RAPGEF5: variants seen among roughly 807,000 people sequenced by gnomAD.
The protein encoded by RAPGEF5 is Rap guanine nucleotide exchange factor 5, also known as M-Ras-regulated GEF.
Under a neutral mutation model 125.2 loss-of-function variants are expected in RAPGEF5, and 65 were observed. The observed-to-expected ratio is 0.52, with a 90% confidence interval of 0.43 to 0.64. RAPGEF5 has a LOEUF of 0.64. RAPGEF5 is among the 30% of genes least tolerant of loss of function. The probability of loss-of-function intolerance (pLI) is 0.00; values close to 1 mark genes in which losing one functional copy is unlikely to be tolerated. For missense variants in RAPGEF5, 958 were observed against 1,048.1 expected (o/e 0.91, Z 1.19); for synonymous variants, 391 against 385.9 (o/e 1.01, Z -0.16).
chr7:22,331,520 C>T (rs1583584047), intron 1 of RAPGEF5, among the ~76,000 whole-genome samples: 2 of 151,902 alleles, frequency 1.3e-5, no homozygotes, highest in South Asian at 2.1e-4. Flanking sequence ...CCGAGGCGGG[C>T]GGATCACGAG....
intron 1 of RAPGEF5, among the ~76,000 whole-genome samples, chr7:22,322,705 C>G (rs1783740068): frequency 6.6e-6 from 1 of 152,112 alleles, no homozygotes; most frequent in South Asian, 2.1e-4. Flanking sequence ...CCCAGCAGTT[C>G]TCAACCCTCG....
At chr7:22,127,474 C>T (rs1208508662) in intron 24 of RAPGEF5, among the ~76,000 whole-genome samples, 3 of 152,184 alleles carry the variant, frequency 2.0e-5, no homozygotes, top group African/African-American at 4.8e-5. Flanking sequence ...GAAGCATATA[C>T]GTATATGCCA....
intron 5 of RAPGEF5, among the ~76,000 whole-genome samples, chr7:22,291,551 C>T (rs1189485485): frequency 6.6e-6 from 1 of 152,142 alleles, no homozygotes; most frequent in Non-Finnish European, 1.5e-5. Context: ...TGGGCTTGCA[C>T]AGAAGGTAGA....
intron 1 of RAPGEF5, among the ~76,000 whole-genome samples, chr7:22,343,612 T>A (rs1784169142): frequency 6.6e-6 from 1 of 152,222 alleles, no homozygotes; most frequent in South Asian, 2.1e-4. Flanking sequence ...GGTATTAGTA[T>A]GTGTGGTAGT....
intron 9 of RAPGEF5, among the ~76,000 whole-genome samples, chr7:22,196,526 C>T (rs1431394851): frequency 6.6e-6 from 1 of 152,198 alleles, no homozygotes; most frequent in Non-Finnish European, 1.5e-5. Flanking sequence ...CACCAAGCGG[C>T]AAGTGAAAAT....
At chr7:22,311,077 G>A (rs1783459012) in intron 3 of RAPGEF5, among the ~76,000 whole-genome samples, 2 of 152,160 alleles carry the variant, frequency 1.3e-5, no homozygotes, top group African/African-American at 4.8e-5. Context: ...CCAGGGTGGA[G>A]TGCTGTGGTG....
chr7:22,314,508 T>G, intron 3 of RAPGEF5: 91 of 641,406 alleles, frequency 1.4e-4, no homozygotes, highest in East Asian at 2.8e-4. Flanking sequence ...AATATTATAA[T>G]GAGTTTATCA....
At chr7:22,176,203 A>G (rs1395688761) in intron 11 of RAPGEF5, among the ~76,000 whole-genome samples, 1 of 152,168 alleles carries the variant, frequency 6.6e-6, no homozygotes, top group African/African-American at 2.4e-5. Context: ...CTTATTCACT[A>G]TCATGAGAAC....
chr7:22,282,370 C>G (rs2128145048), intron 6 of RAPGEF5, among the ~76,000 whole-genome samples: 1 of 152,262 alleles, frequency 6.6e-6, no homozygotes, highest in Non-Finnish European at 1.5e-5. Context: ...TTTATAATTT[C>G]TAATAGGTTA....
At chr7:22,295,339 A>G (rs1390753698) in intron 5 of RAPGEF5, among the ~76,000 whole-genome samples, 1 of 152,232 alleles carries the variant, frequency 6.6e-6, no homozygotes, top group Non-Finnish European at 1.5e-5. Flanking sequence ...AAGAGTCCAG[A>G]GTGTATAGTT....
rs535061626 is a variant in RAPGEF5 at position 22,348,546 on chromosome 7, T to C, written c.231+8284A>G. On this transcript the variant is annotated intron_variant, in intron 1 of 25. Transcript: ENST00000665637. The stretch of plus-strand genomic sequence containing the variant: ...TAAATCTCCAAGTAGATGTGTACTA[T>C]GGAGCTGAGAAAACAATGACTTCTA... Among the ~76,000 whole-genome samples the C allele has an allele frequency of 3.3e-5, 5 of 152,332 alleles. No homozygotes were observed. The South Asian group carries it at 8.3e-4, about 25-fold the overall frequency.
chr7:22,145,357 A>G (rs1426663240), intron 19 of RAPGEF5, 135 bp from the exon 20 acceptor site: 2 of 780,788 alleles, frequency 2.6e-6, no homozygotes, highest in Non-Finnish European at 3.8e-6. Context: ...CATGGTGAAT[A>G]GTAATACATT....
intron 7 of RAPGEF5, among the ~76,000 whole-genome samples, chr7:22,248,571 C>A (rs185603036): frequency 6.6e-5 from 10 of 152,298 alleles, no homozygotes; most frequent in Admixed American, 2.6e-4. Flanking sequence ...CCCAACTCCT[C>A]CACTGTCAGC....
At chr7:22,190,310 C>T (rs906278597) in intron 11 of RAPGEF5, among the ~76,000 whole-genome samples, 17 of 152,138 alleles carry the variant, frequency 1.1e-4, no homozygotes, top group Non-Finnish European at 7.3e-5. Flanking sequence ...TGCATTCCTT[C>T]ATTCCATAGA....
intron 7 of RAPGEF5, among the ~76,000 whole-genome samples, chr7:22,261,156 T>C (rs1562494529): frequency 6.6e-6 from 1 of 152,330 alleles, no homozygotes; most frequent in East Asian, 1.9e-4. Context: ...TTTAGTAATT[T>C]ATTATGAGGA....
Position 22,239,577 on chromosome 7 carries a change from G to A in RAPGEF5, c.797-8658C>T, listed in dbSNP as rs547050442. On this transcript the variant is annotated intron_variant, in intron 7 of 25. Transcript: ENST00000665637. ...CACCCTCCCTGCTGCCTTACTGATT[G>A]CATGATTTATCCCTGCCCTACAGCA... Among the ~76,000 whole-genome samples, 4 of 151,824 alleles carry A rather than the reference G, an allele frequency of 2.6e-5. No individual in the cohort carries two copies. In the South Asian group the frequency reaches 6.3e-4, roughly 24 times the overall value.
At chr7:22,157,090 G>C (rs1783834745) in intron 15 of RAPGEF5, among the ~76,000 whole-genome samples, 2 of 152,124 alleles carry the variant, frequency 1.3e-5, no homozygotes, top group South Asian at 2.1e-4. Context: ...TGATGGGCCT[G>C]GGCTAAGGCC....
At chr7:22,129,374 T>A (rs1257028441) in intron 24 of RAPGEF5, among the ~76,000 whole-genome samples, 1 of 152,206 alleles carries the variant, frequency 6.6e-6, no homozygotes, top group Non-Finnish European at 1.5e-5. Context: ...GGAATTCCAC[T>A]TGGCGTGACA....
At chr7:22,282,630 T>C (rs905830598) in intron 6 of RAPGEF5, among the ~76,000 whole-genome samples, 1 of 152,226 alleles carries the variant, frequency 6.6e-6, no homozygotes, top group African/African-American at 2.4e-5. Context: ...GCAATGGTAA[T>C]ACACCCTGTC....
Sources: gnomAD v4.1 joint callset for allele counts (sites outside exome capture counted in the v4.1 genomes callset) on GRCh38, gnomAD v4.1.1 for gene constraint, MANE v1.5 for transcripts, NCBI Gene and HGNC (gene_info 2026-07-23, HGNC 2026-07-21) for gene names.